The following BTD variants were observed in gnomAD, a reference collection of about 807,000 sequenced individuals.
BTD encodes the protein biocytinase.
In BTD, 13 loss-of-function variants were observed where a neutral mutation model predicts 17.7. That is an observed-to-expected ratio of 0.74 (90% CI 0.48 to 1.17). The LOEUF is 1.17. Among genes scored for constraint, BTD ranks in the 50% most tolerant of loss-of-function variants. BTD has a pLI of 0.00. For synonymous variants in BTD, 240 were observed against 245.2 expected (o/e 0.98, Z 0.20); for missense variants, 674 against 650.4 (o/e 1.04, Z -0.39).
In BTD at chr3:15,686,195, A is replaced by G. The variant is rs113234997; in HGVS notation, c.400-23865A>G. ...GGTTTTCGAAATACGCCCTTCTGTG[A>G]TGCAACAATTATTTATCGAAACTTA... On this transcript the variant is annotated intron_variant, in intron 3 of 3. Coordinates refer to the BTD transcript ENST00000672141. 6,956 of 1,589,460 alleles carry G rather than the reference A, an allele frequency of 4.4e-3. 36 individuals carry two copies. Among genetic ancestry groups the G allele is most frequent in the East Asian group, 0.02 (873 of 44,282 alleles).
chr3:15,655,035 CA>C (rs2065858430), downstream of BTD, among the ~76,000 whole-genome samples: 1 of 152,136 alleles, frequency 6.6e-6, no homozygotes, highest in South Asian at 2.1e-4. Context: ...GCCCGGCCTG[CA>C]TCAGTTTTTA....
chr3:15,716,783 C>T (rs1018030999), downstream of BTD, among the ~76,000 whole-genome samples: 10 of 152,128 alleles, frequency 6.6e-5, no homozygotes, highest in African/African-American at 2.2e-4. Flanking sequence ...ATACATAGCA[C>T]GTTTCACGCA....
intron 3 of BTD, among the ~76,000 whole-genome samples, chr3:15,700,235 G>C (rs988343640): frequency 2.0e-5 from 3 of 152,140 alleles, no homozygotes; most frequent in Non-Finnish European, 4.4e-5. Flanking sequence ...CTCTTAAGTG[G>C]AAGTTGAGCA....
At position 15,652,185 on chromosome 3, in the gene BTD, G is replaced by C. The variant is rs1575037133; in HGVS notation, c.*6697G>C. Among the ~76,000 whole-genome samples, 1 of 152,240 alleles carries C rather than the reference G, an allele frequency of 6.6e-6. No homozygotes were observed. The highest frequency in any genetic ancestry group is 2.4e-5 in the African/African-American group (1 of 41,526). ...CTATTGAAAATACAAAAATTAGCCG[G>C]CATGGTGGCACACGCCTGTAGTCCC... is the stretch of plus-strand genomic sequence containing the variant. On this transcript the variant is annotated 3_prime_UTR_variant, in exon 4 of 4. Transcript: ENST00000643237.
chr3:15,717,694 A>G (rs1027920084), downstream of BTD, among the ~76,000 whole-genome samples: 2 of 152,186 alleles, frequency 1.3e-5, no homozygotes, highest in African/African-American at 4.8e-5. Flanking sequence ...GCTGACCAAA[A>G]TCTATTCTTA....
Position 15,650,282 on chromosome 3 carries a change from A to G in BTD, c.*4794A>G, listed in dbSNP as rs1265945798. ...AAGTTTTTTTATTTTTGTGTTCAGT[A>G]CTGAAGTAAAACAAAAATCTGAATA... is the stretch of plus-strand genomic sequence containing the variant. On this transcript the variant is annotated 3_prime_UTR_variant, in exon 4 of 4. Coordinates refer to ENST00000643237, the MANE Select transcript of BTD (RefSeq NM_001370658.1). Among the ~76,000 whole-genome samples, 1 of 152,242 alleles carries G rather than the reference A, an allele frequency of 6.6e-6. No homozygotes were observed. The highest frequency in any genetic ancestry group is 1.5e-5 in the Non-Finnish European group (1 of 68,038).
downstream of BTD, among the ~76,000 whole-genome samples, chr3:15,716,336 G>T (rs902595014): frequency 1.1e-4 from 17 of 150,726 alleles, no homozygotes; most frequent in Middle Eastern, 3.4e-3. Flanking sequence ...CTGTCAGCCA[G>T]GCTGGAATGC....
At chr3:15,692,150 A>AT (rs1397718933) in intron 3 of BTD, among the ~76,000 whole-genome samples, 1 of 151,026 alleles carries the variant, frequency 6.6e-6, no homozygotes, top group Non-Finnish European at 1.5e-5. Flanking sequence ...TAAATAAAAA[A>AT]AAAAAAAAAA....
At chr3:15,674,017 A>T (rs1014606635) in intron 3 of BTD, among the ~76,000 whole-genome samples, 1 of 151,476 alleles carries the variant, frequency 6.6e-6, no homozygotes, top group African/African-American at 2.4e-5. Flanking sequence ...CAGCACAAAA[A>T]ATAAATTAGC....
chr3:15,685,355 G>A (rs1201014887), intron 3 of BTD: 6 of 1,614,000 alleles, frequency 3.7e-6, no homozygotes, highest in Non-Finnish European at 5.1e-6. Context: ...GCAGACAGGT[G>A]TATAGGCGTC....
At chr3:15,601,731 G>A, upstream of BTD, 1 of 1,575,478 alleles carries the variant, frequency 6.3e-7, no homozygotes, top group Non-Finnish European at 8.6e-7. Context: ...ATGCCAGAGG[G>A]AGGCGGGACT....
At chr3:15,677,526 A>C in intron 3 of BTD, 1 of 1,613,144 alleles carries the variant, frequency 6.2e-7, no homozygotes, top group Non-Finnish European at 8.5e-7. Flanking sequence ...GTTATCTTGT[A>C]AAGTCAGTTC....
At chr3:15,640,433 C>A (rs2455821) in intron 2 of BTD, among the ~76,000 whole-genome samples, 39,742 of 151,212 alleles carry the variant, frequency 0.26, 5,375 homozygotes, top group African/African-American at 0.29. Flanking sequence ...CTTTGTCACC[C>A]AGGCTGGAGT....
In BTD at chr3:15,648,556, A is replaced by G. The variant is rs893434131; in HGVS notation, c.*3068A>G. 2.0e-5 allele frequency among the ~76,000 whole-genome samples: 3 copies of G among 152,212 alleles called. No homozygotes were observed. The highest frequency in any genetic ancestry group is 4.4e-5 in the Non-Finnish European group (3 of 68,028). ...TGTGGGGCAGGAAAGCGGGTCTCTC[A>G]TGAGGCTACAGTCAAGATGTCAGCC... On this transcript the variant is annotated 3_prime_UTR_variant, in exon 4 of 4. Coordinates refer to ENST00000643237, the MANE Select transcript of BTD (RefSeq NM_001370658.1).
downstream of BTD, among the ~76,000 whole-genome samples, chr3:15,716,904 G>A (rs2073141736): frequency 6.6e-6 from 1 of 152,170 alleles, no homozygotes; most frequent in African/African-American, 2.4e-5. Flanking sequence ...TGAGGCTGAA[G>A]TGAGCTATGA....
rs1480347573 is a variant in BTD at position 15,646,347 on chromosome 3, A to G, written c.*859A>G. 1 of 152,196 alleles carries G rather than the reference A, an allele frequency of 6.6e-6. No individual in the cohort carries two copies. Among genetic ancestry groups the G allele is most frequent in the Non-Finnish European group, 1.5e-5 (1 of 68,062 alleles). The allele number at this position is 152,196 out of a possible 1,614,324, so 9.4% of individuals were successfully genotyped here. A position where few individuals can be genotyped will look rare whatever the true frequency, so the allele number is the denominator to read the frequency against. ...CACGTTGCCCGACTGTGCAGGATGG[A>G]TTGATGCTGGTATAATTTGATCTGG... On this transcript the variant is annotated 3_prime_UTR_variant, in exon 4 of 4. Coordinates refer to ENST00000643237, the MANE Select transcript of BTD (RefSeq NM_001370658.1).
At chr3:15,612,276 T>G (rs2064659180) in intron 1 of BTD, among the ~76,000 whole-genome samples, 1 of 152,194 alleles carries the variant, frequency 6.6e-6, no homozygotes, top group Non-Finnish European at 1.5e-5. Flanking sequence ...CTCTATGCAT[T>G]TTTTCAAAGA....
chr3:15,630,151 A>G (rs1378998295), intron 1 of BTD: 2 of 878,604 alleles, frequency 2.3e-6, no homozygotes, highest in African/African-American at 3.6e-5. Flanking sequence ...ATGAAACTCA[A>G]ATCTTGAAAG....
chr3:15,715,179 T>C (rs995865561), downstream of BTD, among the ~76,000 whole-genome samples: 6 of 152,184 alleles, frequency 3.9e-5, no homozygotes, highest in Admixed American at 6.6e-5. Flanking sequence ...TCTAAAGGAG[T>C]TCCAAATATG....
Sources: allele counts gnomAD v4.1 joint callset (sites outside exome capture counted in the v4.1 genomes callset), GRCh38; gene constraint gnomAD v4.1.1; transcripts MANE v1.5; gene names NCBI Gene and HGNC (gene_info 2026-07-23, HGNC 2026-07-21).